Variants in GRXCR2 observed in about 807,000 individuals in gnomAD.
GRXCR2 encodes the protein glutaredoxin domain-containing cysteine-rich protein 2.
Under a neutral mutation model 24.8 loss-of-function variants are expected in GRXCR2, and 23 were observed. The observed-to-expected ratio is 0.93, with a 90% confidence interval of 0.67 to 1.32. The LOEUF is 1.32. Among genes scored for constraint, GRXCR2 ranks in the 40% most tolerant of loss-of-function variants. The pLI is 0.00. For missense variants in GRXCR2, 315 were observed against 303.4 expected, an observed-to-expected ratio of 1.04 and a Z score of -0.28; for synonymous variants, 130 against 116.1, an observed-to-expected ratio of 1.12 and a Z score of -0.77.
At chr5:145,929,774 T>A (rs1431265978) in intron 2 of GRXCR2, among the ~76,000 whole-genome samples, 4 of 152,228 alleles carry the variant, frequency 2.6e-5, no homozygotes, top group African/African-American at 9.6e-5. Context: ...TAGACTATTC[T>A]TTTTTATTGA....
intron 2 of GRXCR2, among the ~76,000 whole-genome samples, chr5:145,896,394 G>A (rs1756949522): frequency 1.3e-5 from 2 of 152,154 alleles, no homozygotes; most frequent in Non-Finnish European, 2.9e-5. Context: ...CTGACAAAGG[G>A]CTAATATCCA....
intron 2 of GRXCR2, among the ~76,000 whole-genome samples, chr5:145,866,185 TA>T (rs1352475222): frequency 6.7e-6 from 1 of 150,240 alleles, no homozygotes; most frequent in African/African-American, 2.4e-5. Flanking sequence ...AGGGCTGATA[TA>T]TTTTTCCACC....
In GRXCR2 at chr5:145,859,927, A is replaced by G. The variant is rs201767665; in HGVS notation, c.565-12T>C. The G allele has an allele frequency of 1.3e-5, 20 of 1,549,020 alleles. No homozygotes were observed. In the East Asian group the frequency reaches 4.5e-4, roughly 35 times the overall value. On this transcript the variant is annotated splice_polypyrimidine_tract_variant and intron_variant, in intron 2 of 2. Transcript: ENST00000377976. Reference sequence around the variant, plus strand: ...GGAATATCCCCTTCCTGCAAGAGACAGGTTAGGGTTTAGTTAAAGCAGCAG... The same window carrying G: ...GGAATATCCCCTTCCTGCAAGAGACGGGTTAGGGTTTAGTTAAAGCAGCAG...
chr5:145,866,472 G>A (rs779925305), intron 2 of GRXCR2, 29 bp downstream of exon 2: 46 of 1,548,098 alleles, frequency 3.0e-5, no homozygotes, highest in Middle Eastern at 1.7e-4. Flanking sequence ...GGCCAGCTCC[G>A]AGCAGGACAG....
chr5:145,919,232 G>A (rs748146539), intron 2 of GRXCR2, among the ~76,000 whole-genome samples: 18 of 152,090 alleles, frequency 1.2e-4, no homozygotes, highest in East Asian at 1.9e-4. Context: ...AAAACCAACC[G>A]AACATTGCTG....
intron 2 of GRXCR2, among the ~76,000 whole-genome samples, chr5:145,883,531 C>T (rs1034106788): frequency 6.6e-6 from 1 of 152,062 alleles, no homozygotes; most frequent in African/African-American, 2.4e-5. Flanking sequence ...TAACTTAAGC[C>T]AAACTCATAG....
chr5:145,897,416 A>G (rs1756966702), intron 2 of GRXCR2, among the ~76,000 whole-genome samples: 1 of 152,092 alleles, frequency 6.6e-6, no homozygotes, highest in African/African-American at 2.4e-5. Flanking sequence ...AATGAAGGCA[A>G]AAAACTAACA....
At chr5:145,877,328 T>G (rs932883322), upstream of GRXCR2, among the ~76,000 whole-genome samples, 10 of 151,040 alleles carry the variant, frequency 6.6e-5, no homozygotes, top group Non-Finnish European at 1.5e-4. Flanking sequence ...AAAAAAAAAA[T>G]CTTCTGATAC....
At position 145,918,213 on chromosome 5, in the gene GRXCR2, T is replaced by C. The variant is rs997419473; in HGVS notation, c.-70+17488A>G. On this transcript the variant is annotated intron_variant, in intron 2 of 3. Coordinates refer to the GRXCR2 transcript ENST00000639411. Reference sequence around the variant, plus strand: ...ACAAACTCCCTTTCCCTAACTCCTTTAACAGAACTTTACAACTTACAAAAC... The same window carrying C: ...ACAAACTCCCTTTCCCTAACTCCTTCAACAGAACTTTACAACTTACAAAAC... 2.0e-5 allele frequency among the ~76,000 whole-genome samples: 3 copies of C among 152,200 alleles called. No homozygotes were observed. In the South Asian group the frequency reaches 6.2e-4, roughly 31 times the overall value.
chr5:145,885,823 T>C (rs1401293228), intron 2 of GRXCR2, among the ~76,000 whole-genome samples: 4 of 152,116 alleles, frequency 2.6e-5, no homozygotes, highest in Admixed American at 2.6e-4. Context: ...CTTTAAAAAT[T>C]CCCTCCACCT....
At chr5:145,883,027 TG>T (rs1238335729) in intron 2 of GRXCR2, among the ~76,000 whole-genome samples, 1 of 18,660 alleles carries the variant, frequency 5.4e-5, no homozygotes, top group African/African-American at 2.2e-4. Flanking sequence ...TGTTGTGGGG[TG>T]GGGGGAGGGG....
In GRXCR2 at chr5:145,858,954, T is replaced by C. The variant is rs191617788; in HGVS notation, c.*779A>G. On this transcript the variant is annotated 3_prime_UTR_variant, in exon 3 of 3. Coordinates refer to ENST00000377976, the MANE Select transcript of GRXCR2 (RefSeq NM_001080516.2). ...AGGTTCTAGACTTAAAGTGGATTTA[T>C]TTATTTGGTAGTAATTCAGGGGCTC... The C allele has an allele frequency of 1.9e-4, 29 of 152,350 alleles. No homozygotes were observed. The highest frequency in any genetic ancestry group is 6.0e-4 in the African/African-American group (25 of 41,576). The allele number at this position is 152,350 out of a possible 1,614,324, so 9.4% of individuals were successfully genotyped here.
At chr5:145,872,605 A>C (rs758019368) in intron 1 of GRXCR2, 28 bp downstream of exon 1, 8 of 1,532,732 alleles carry the variant, frequency 5.2e-6, no homozygotes, top group Non-Finnish European at 6.1e-6. Flanking sequence ...CCTACCCTTA[A>C]AGCCTATATG....
chr5:145,861,434 G>A (rs573403362), intron 2 of GRXCR2, among the ~76,000 whole-genome samples: 4 of 152,016 alleles, frequency 2.6e-5, no homozygotes, highest in East Asian at 1.9e-4. Flanking sequence ...CAATCCCAAC[G>A]CAGCCAACTC....
intron 2 of GRXCR2, among the ~76,000 whole-genome samples, chr5:145,889,184 G>GAAAGAAAGAA (rs1376842758): frequency 8.9e-6 from 1 of 112,872 alleles, no homozygotes; most frequent in Non-Finnish European, 1.9e-5. Context: ...AAGAAAGAAA[G>GAAAGAAAGAA]AAAGAAAGAA....
intron 2 of GRXCR2, among the ~76,000 whole-genome samples, chr5:145,884,200 GA>G (rs1278719682): frequency 6.6e-6 from 1 of 152,084 alleles, no homozygotes; most frequent in African/African-American, 2.4e-5. Context: ...ACAGAGAATA[GA>G]GGAATGGTTA....
intron 2 of GRXCR2, among the ~76,000 whole-genome samples, chr5:145,898,487 A>C (rs1473655063): frequency 1.3e-5 from 2 of 151,876 alleles, no homozygotes; most frequent in Admixed American, 6.6e-5. Context: ...AGACAAAATA[A>C]AACTATAGGC....
intron 2 of GRXCR2, among the ~76,000 whole-genome samples, chr5:145,922,914 A>G (rs1757341857): frequency 6.6e-6 from 1 of 152,236 alleles, no homozygotes; most frequent in Admixed American, 6.5e-5. Context: ...TGTCCCATGT[A>G]CCAGTGGGGT....
At position 145,889,675 on chromosome 5, in the gene GRXCR2, G is replaced by A. The variant is rs148706690; in HGVS notation, c.-69-22947C>T. Among the ~76,000 whole-genome samples the A allele has an allele frequency of 7.9e-5, 12 of 152,270 alleles. No homozygotes were observed. In the East Asian group the frequency reaches 1.7e-3, roughly 22 times the overall value. On this transcript the variant is annotated intron_variant, in intron 2 of 3. Coordinates refer to the GRXCR2 transcript ENST00000639411. The stretch of plus-strand genomic sequence containing the variant: ...TGCCACCATGAAAAATCTGAATGTG[G>A]CAATACCACCAAAGCATTGCATTAG...
Sources: gnomAD v4.1 joint callset for allele counts (sites outside exome capture counted in the v4.1 genomes callset) on GRCh38, gnomAD v4.1.1 for gene constraint, MANE v1.5 for transcripts, NCBI Gene and HGNC (gene_info 2026-07-23, HGNC 2026-07-21) for gene names.